Variants in SRSF11 observed in about 807,000 individuals in gnomAD.
SRSF11 encodes serine and arginine rich splicing factor 11.
SRSF11 carries 9 observed loss-of-function variants against 56.0 expected under a neutral mutation model. The observed-to-expected ratio is 0.16, with a 90% confidence interval of 0.10 to 0.28. The LOEUF (loss-of-function observed/expected upper bound fraction) is 0.28. Among genes scored for constraint, SRSF11 ranks in the 10% least tolerant of loss-of-function variants. The pLI is 1.00. For missense variants in SRSF11, 421 were observed against 600.7 expected (o/e 0.70, Z 3.13); for synonymous variants, 222 against 215.3 (o/e 1.03, Z -0.27).
At chr1:70,248,941 C>T (rs1403660093) in intron 9 of SRSF11, 3 of 152,040 alleles carry the variant, frequency 2.0e-5, no homozygotes, top group African/African-American at 2.4e-5. Context: ...TTATGTGTAA[C>T]GTTTCCAGGA....
Position 70,251,964 on chromosome 1 carries a change from T to G in SRSF11, c.*1159T>G, listed in dbSNP as rs1435701439. ...CATGTTGATGTACAGTTTCTGAAAT[T>G]GTTTTACAAGACTTTGATAATAAAA... On this transcript the variant is annotated 3_prime_UTR_variant, in exon 12 of 12. Transcript: ENST00000370949. 1 of 152,650 alleles carries G rather than the reference T, an allele frequency of 6.6e-6. No homozygotes were observed. Among genetic ancestry groups the G allele is most frequent in the African/African-American group, 2.4e-5 (1 of 41,466 alleles). The allele number at this position is 152,650 out of a possible 1,614,324, so 9.5% of individuals were successfully genotyped here.
upstream of SRSF11, chr1:70,218,510 A>T (rs1182275167): frequency 6.6e-6 from 1 of 152,194 alleles, no homozygotes; most frequent in East Asian, 1.9e-4. Context: ...TTTGGTTTGA[A>T]TTTGTAGTTT....
intron 2 of SRSF11, chr1:70,229,423 T>A: frequency 9.3e-7 from 1 of 1,076,136 alleles, no homozygotes; most frequent in Non-Finnish European, 1.1e-6. Flanking sequence ...GTTTTTTGGA[T>A]CTAAAAAGCC....
At chr1:70,237,657 A>C in intron 6 of SRSF11, 105 bp downstream of exon 6, 1 of 1,462,354 alleles carries the variant, frequency 6.8e-7, no homozygotes. Flanking sequence ...AAAATGTTGT[A>C]AACTCTGATA....
chr1:70,240,402 G>C (rs575525358), intron 7 of SRSF11, among the ~76,000 whole-genome samples: 2 of 152,148 alleles, frequency 1.3e-5, no homozygotes, highest in Non-Finnish European at 2.9e-5. Flanking sequence ...GATTTGTGTT[G>C]AAGAGTCAGT....
intron 1 of SRSF11, among the ~76,000 whole-genome samples, chr1:70,222,110 C>T (rs1324451775): frequency 2.6e-5 from 4 of 151,736 alleles, no homozygotes; most frequent in Admixed American, 6.6e-5. Flanking sequence ...GGTCGTTTGG[C>T]TTTGGGGACT....
chr1:70,210,632 T>C (rs1015968811), intron 1 of SRSF11, among the ~76,000 whole-genome samples: 13 of 152,180 alleles, frequency 8.5e-5, no homozygotes, highest in African/African-American at 3.1e-4. Flanking sequence ...GGAGGATGGC[T>C]TGACCCCGGA....
At chr1:70,227,971 T>C (rs981030118) in intron 1 of SRSF11, among the ~76,000 whole-genome samples, 5 of 152,206 alleles carry the variant, frequency 3.3e-5, no homozygotes, top group African/African-American at 1.2e-4. Context: ...AGAAAACTCA[T>C]TGATTATTGA....
chr1:70,250,920 A>T lies in SRSF11; in HGVS notation c.*115A>T. On this transcript the variant is annotated 3_prime_UTR_variant, in exon 12 of 12. Coordinates refer to ENST00000370949, the MANE Select transcript of SRSF11 (RefSeq NM_001350605.2). ...CTAGATGTATACAGCTCTGAGTTATAAATGGTTATAAAGCTCCTGTTACTC... is the reference window on the plus strand; with the variant it reads ...CTAGATGTATACAGCTCTGAGTTATTAATGGTTATAAAGCTCCTGTTACTC... The T allele has an allele frequency of 1.1e-6, 1 of 873,998 alleles. No homozygotes were observed. Among genetic ancestry groups the T allele is most frequent in the East Asian group, 2.6e-5 (1 of 38,242 alleles). The allele number at this position is 873,998 out of a possible 1,614,324, so 54.1% of individuals were successfully genotyped here.
chr1:70,246,123 ATAGT>A (rs764587772), intron 8 of SRSF11, among the ~76,000 whole-genome samples: 25 of 152,166 alleles, frequency 1.6e-4, no homozygotes, highest in East Asian at 3.8e-4. Flanking sequence ...AAATTAGAGA[ATAGT>A]TAAAGAGGGG....
chr1:70,234,509 G>A (rs1156929339), intron 3 of SRSF11, among the ~76,000 whole-genome samples, 187 bp from the exon 4 acceptor site: 6 of 152,038 alleles, frequency 3.9e-5, no homozygotes, highest in South Asian at 2.1e-4. Flanking sequence ...TTTAGGTATC[G>A]TCTCTGGCTG....
intron 1 of SRSF11, among the ~76,000 whole-genome samples, chr1:70,216,003 C>T (rs1255105285): frequency 2.0e-5 from 3 of 152,192 alleles, no homozygotes; most frequent in Non-Finnish European, 4.4e-5. Context: ...TCAGGCTCAT[C>T]TCGAACCCCC....
In SRSF11 at chr1:70,221,835, C is replaced by T; in HGVS notation, c.199C>T (p.Pro67Ser). The change falls in exon 1 of 12, where the codon CCG becomes TCG. Residue 67 changes from proline (P) to serine (S), a missense_variant. Physicochemically the swap from Pro to Ser is moderately conservative, Grantham distance 74. Coordinates refer to ENST00000370949, the MANE Select transcript of SRSF11 (RefSeq NM_001350605.2). ...GKIDELRLFP[P>S]DDSPLPVSSR... The stretch of plus-strand genomic sequence containing the variant: ...GATCGACGAACTGCGCCTCTTCCCG[C>T]CGGAGTGAGTATCGTCCACCATCAC... 1 of 1,613,840 alleles carries T rather than the reference C, an allele frequency of 6.2e-7. No homozygotes were observed. Among genetic ancestry groups the T allele is most frequent in the Non-Finnish European group, 8.5e-7 (1 of 1,179,988 alleles).
chr1:70,230,356 C>T, intron 2 of SRSF11: 1 of 1,068,282 alleles, frequency 9.4e-7, no homozygotes, highest in Non-Finnish European at 1.1e-6. Context: ...AGCTATTACA[C>T]TTCGGTGTTA....
intron 3 of SRSF11, among the ~76,000 whole-genome samples, chr1:70,232,769 AT>A (rs1673090511): frequency 6.6e-6 from 1 of 151,772 alleles, no homozygotes; most frequent in South Asian, 2.1e-4. Flanking sequence ...TTTTCCTGTT[AT>A]TTGGGGGGTT....
chr1:70,246,138 G>T (rs988443781), intron 8 of SRSF11, among the ~76,000 whole-genome samples: 5 of 151,996 alleles, frequency 3.3e-5, no homozygotes, highest in Admixed American at 3.3e-4. Context: ...TAAAGAGGGG[G>T]GTTGTTATGA....
Position 70,242,472 on chromosome 1 carries a change from CTT to C in SRSF11, c.801-2203_801-2202del, listed in dbSNP as rs377434872. ...CACCACACCTGGCTAATTTTTGCAC[CTT>C]TTTTTTTTATGTAGAGACAGGGTTT... On this transcript the variant is annotated intron_variant, in intron 7 of 11. Transcript: ENST00000370949. Among the ~76,000 whole-genome samples the C allele has an allele frequency of 9.0e-3, 1,252 of 139,388 alleles. 35 individuals are homozygous for C. The highest frequency in any genetic ancestry group is 0.032 in the African/African-American group (1,184 of 37,048). The allele number at this position is 139,388 out of a possible 152,430, so 91.4% of individuals were successfully genotyped here. A position where few individuals can be genotyped will look rare whatever the true frequency, so the allele number is the denominator to read the frequency against.
intron 1 of SRSF11, among the ~76,000 whole-genome samples, chr1:70,212,626 G>A (rs1291784485): frequency 6.6e-6 from 1 of 151,848 alleles, no homozygotes; most frequent in South Asian, 2.1e-4. Flanking sequence ...TGTTTGTATT[G>A]CAGTAGCCTC....
At chr1:70,216,016 C>T (rs1182759784) in intron 1 of SRSF11, among the ~76,000 whole-genome samples, 1 of 152,200 alleles carries the variant, frequency 6.6e-6, no homozygotes, top group African/African-American at 2.4e-5. Flanking sequence ...GAACCCCCGA[C>T]CTCAGGTGAT....
Sources: gnomAD v4.1 joint callset for allele counts (sites outside exome capture counted in the v4.1 genomes callset) on GRCh38, gnomAD v4.1.1 for gene constraint, MANE v1.5 for transcripts, NCBI Gene and HGNC (gene_info 2026-07-23, HGNC 2026-07-21) for gene names.